Variants in PTPRJ observed in about 807,000 individuals in gnomAD.
The protein encoded by PTPRJ is receptor-type tyrosine-protein phosphatase eta.
PTPRJ carries 129 observed loss-of-function variants against 141.3 expected under a neutral mutation model. That is an observed-to-expected ratio of 0.91 (90% CI 0.79 to 1.06). PTPRJ has a LOEUF of 1.06. PTPRJ is among the 50% of genes least tolerant of loss of function. The pLI, the probability that PTPRJ is intolerant of heterozygous loss-of-function variation, is 0.00. For synonymous variants in PTPRJ, 610 were observed against 640.5 expected (o/e 0.95, Z 0.72); for missense variants, 1,601 against 1,679.7 (o/e 0.95, Z 0.82).
chr11:48,145,490 G>C (rs1255193519), intron 14 of PTPRJ, among the ~76,000 whole-genome samples: 1 of 149,958 alleles, frequency 6.7e-6, no homozygotes, highest in Non-Finnish European at 1.5e-5. Flanking sequence ...AAATTGTCTT[G>C]TTCAATCCTC....
At chr11:48,017,414 A>C (rs181295851) in intron 1 of PTPRJ, among the ~76,000 whole-genome samples, 148 of 152,320 alleles carry the variant, frequency 9.7e-4, no homozygotes, top group African/African-American at 3.3e-3. Flanking sequence ...ATGATGATAT[A>C]ATAATGTGCC....
intron 1 of PTPRJ, among the ~76,000 whole-genome samples, chr11:48,079,153 G>A (rs1438576119): frequency 6.7e-6 from 1 of 148,468 alleles, no homozygotes; most frequent in Non-Finnish European, 1.5e-5. Context: ...TAGCTGATGA[G>A]CTAAAAAAAA....
At chr11:48,026,001 A>C (rs960211933) in intron 1 of PTPRJ, among the ~76,000 whole-genome samples, 10 of 152,204 alleles carry the variant, frequency 6.6e-5, no homozygotes, top group African/African-American at 2.4e-4. Flanking sequence ...CTCTGGACAA[A>C]AGGCACATTC....
intron 1 of PTPRJ, among the ~76,000 whole-genome samples, chr11:48,084,156 T>G (rs1211092543): frequency 1.3e-5 from 2 of 152,020 alleles, no homozygotes; most frequent in Non-Finnish European, 2.9e-5. Flanking sequence ...AATCTAGTTT[T>G]TTGTTGTTGT....
chr11:48,164,817 C>T (rs978138033), intron 24 of PTPRJ, among the ~76,000 whole-genome samples: 32 of 151,222 alleles, frequency 2.1e-4, no homozygotes, highest in African/African-American at 7.8e-4. Flanking sequence ...CTGCCTGCCT[C>T]AGTGTCCCGA....
At chr11:48,043,207 A>G (rs1160453532) in intron 1 of PTPRJ, among the ~76,000 whole-genome samples, 1 of 151,998 alleles carries the variant, frequency 6.6e-6, no homozygotes, top group Non-Finnish European at 1.5e-5. Flanking sequence ...TTAGCCAGAT[A>G]TTTTATTTTT....
chr11:48,142,574 TCTA>T (rs1857259033), intron 11 of PTPRJ, among the ~76,000 whole-genome samples: 1 of 137,746 alleles, frequency 7.3e-6, no homozygotes, highest in Non-Finnish European at 1.5e-5. Context: ...TTGATTGTAT[TCTA>T]ATTATATTTC....
intron 7 of PTPRJ, among the ~76,000 whole-genome samples, chr11:48,129,430 C>A (rs187587689): frequency 8.5e-5 from 13 of 152,218 alleles, no homozygotes; most frequent in African/African-American, 3.1e-4. Flanking sequence ...ATAAGGACAC[C>A]AGTCTTGCTG....
intron 1 of PTPRJ, 89 bp downstream of exon 1, chr11:47,981,097 G>C (rs1853892288): frequency 1.7e-6 from 2 of 1,162,710 alleles, no homozygotes; most frequent in Non-Finnish European, 2.1e-6. Flanking sequence ...CCCCCGGGGG[G>C]TTCCGGGGAA....
intron 1 of PTPRJ, among the ~76,000 whole-genome samples, chr11:48,107,457 C>T (rs1856322878): frequency 6.6e-6 from 1 of 152,096 alleles, no homozygotes; most frequent in Admixed American, 6.5e-5. Context: ...GGGTGACTAA[C>T]GGGTTTTCTG....
chr11:48,019,052 CCT>C (rs1408803929), intron 1 of PTPRJ, among the ~76,000 whole-genome samples: 1 of 151,944 alleles, frequency 6.6e-6, no homozygotes, highest in Non-Finnish European at 1.5e-5. Flanking sequence ...ATGGAGAACC[CCT>C]CTCAGGAGGG....
At chr11:48,162,917 G>A (rs1332809034) in intron 22 of PTPRJ, among the ~76,000 whole-genome samples, 1 of 152,192 alleles carries the variant, frequency 6.6e-6, no homozygotes, top group South Asian at 2.1e-4. Context: ...TATTTGCATG[G>A]TGCTTGCTAG....
At chr11:48,027,095 C>T (rs1319318041) in intron 1 of PTPRJ, among the ~76,000 whole-genome samples, 1 of 149,444 alleles carries the variant, frequency 6.7e-6, no homozygotes, top group Non-Finnish European at 1.5e-5. Flanking sequence ...AGCTCTGCCT[C>T]CCAGGTTCAC....
intron 7 of PTPRJ, among the ~76,000 whole-genome samples, 161 bp from the exon 8 acceptor site, chr11:48,130,298 A>G (rs1367238804): frequency 1.3e-5 from 2 of 152,096 alleles, no homozygotes; most frequent in East Asian, 3.9e-4. Flanking sequence ...CAGAAACAGC[A>G]GTTTCTGAGG....
rs746164438 is a variant in PTPRJ, at chr11:48,136,037, A to G, written c.1616-2A>G. ...CCCTTCTCCTTCCTTTCTTCTGAGC[A>G]GTTCCCAGTGCAGTGTTTGACATCC... On this transcript the variant is annotated splice_acceptor_variant, in intron 8 of 24. Coordinates refer to ENST00000418331, the MANE Select transcript of PTPRJ (RefSeq NM_002843.4). LOFTEE classifies it high-confidence loss of function. 2 of 1,612,668 alleles carry G rather than the reference A, an allele frequency of 1.2e-6. No homozygotes were observed. The highest frequency in any genetic ancestry group is 2.2e-5 in the South Asian group (2 of 91,056).
At chr11:48,015,393 A>AT (rs1441111188) in intron 1 of PTPRJ, among the ~76,000 whole-genome samples, 1 of 151,866 alleles carries the variant, frequency 6.6e-6, no homozygotes, top group Non-Finnish European at 1.5e-5. Flanking sequence ...GGATGGGACC[A>AT]TATGGCATGC....
intron 3 of PTPRJ, among the ~76,000 whole-genome samples, chr11:48,114,095 G>A (rs1179832949): frequency 6.6e-6 from 1 of 152,094 alleles, no homozygotes; most frequent in Non-Finnish European, 1.5e-5. Context: ...CACATACACA[G>A]TTAAAATAAG....
At chr11:48,138,147 G>A (rs1392014117) in intron 10 of PTPRJ, among the ~76,000 whole-genome samples, 2 of 152,194 alleles carry the variant, frequency 1.3e-5, no homozygotes, top group Non-Finnish European at 2.9e-5. Context: ...GGTCTCATGG[G>A]ATCAGCCTCC....
intron 3 of PTPRJ, among the ~76,000 whole-genome samples, chr11:48,115,232 A>C (rs1031482679): frequency 6.6e-6 from 1 of 152,248 alleles, no homozygotes; most frequent in African/African-American, 2.4e-5. Context: ...GAGTCAATTC[A>C]AACAAGACTA....
Sources: allele counts gnomAD v4.1 joint callset (sites outside exome capture counted in the v4.1 genomes callset), GRCh38; gene constraint gnomAD v4.1.1; transcripts MANE v1.5; gene names NCBI Gene and HGNC (gene_info 2026-07-23, HGNC 2026-07-21).